ADGRG3: variants seen among roughly 807,000 people sequenced by gnomAD.
The protein encoded by ADGRG3 is G protein-coupled receptor 97.
A neutral mutation model predicts 54.3 loss-of-function variants in ADGRG3; 39 were observed. That is an observed-to-expected ratio of 0.72 (90% CI 0.56 to 0.94). ADGRG3 has a LOEUF of 0.94. Ranked by LOEUF, ADGRG3 falls within the 40% of genes least tolerant of loss-of-function variation. The pLI, the probability that ADGRG3 is intolerant of heterozygous loss-of-function variation, is 0.00. For missense variants in ADGRG3, 654 were observed against 694.6 expected (o/e 0.94, Z 0.66); for synonymous variants, 312 against 290.0 (o/e 1.08, Z -0.77).
chr16:57,680,534 T>C lies in ADGRG3; in HGVS notation c.798T>C (p.His266=). 1 of 1,613,892 alleles carries C rather than the reference T, an allele frequency of 6.2e-7. No individual in the cohort carries two copies. Among genetic ancestry groups the C allele is most frequent in the Non-Finnish European group, 8.5e-7 (1 of 1,179,908 alleles). ...CCACCTTGGACCAGTCCACGGTGCA[T>C]ATCCTCACACGCATCTCCCAGGCGG... The part of the protein sequence containing the change: ...LRPTLDQSTV[H]ILTRISQAGC... The change falls in exon 8 of 12, where the codon CAT becomes CAC. Residue 266 remains histidine (H), a synonymous_variant. Transcript: ENST00000333493.
At chr16:57,671,669 T>C (rs2148694451) in intron 1 of ADGRG3, among the ~76,000 whole-genome samples, 1 of 152,262 alleles carries the variant, frequency 6.6e-6, no homozygotes, top group African/African-American at 2.4e-5. Context: ...TACAGTTAGA[T>C]ACAGAAAGTC....
chr16:57,667,200 G>A (rs553437601), upstream of ADGRG3, among the ~76,000 whole-genome samples: 3 of 152,356 alleles, frequency 2.0e-5, no homozygotes, highest in African/African-American at 7.2e-5. Context: ...AGTGGGAGGA[G>A]GAGGAAATGG....
chr16:57,683,968 A>G lies in ADGRG3; in HGVS notation c.918A>G (p.Pro306=). The G allele has an allele frequency of 1.9e-6, 3 of 1,584,074 alleles. No homozygotes were observed. The highest frequency in any genetic ancestry group is 2.6e-6 in the Non-Finnish European group (3 of 1,162,372). ...AGAGGTTCAAGTCAGAAGATGCCCC[A>G]AAGATCCACGTGGCCCTGGGTGGCA... ...SRERFKSEDA[P]KIHVALGGSL... is the part of the protein sequence containing the mutation. Residue 306 remains proline (P), a synonymous_variant, in exon 9 of 12, where the codon CCA becomes CCG. Coordinates refer to ENST00000333493, the MANE Select transcript of ADGRG3 (RefSeq NM_170776.5).
At chr16:57,675,918 T>C (rs1319160535) in intron 2 of ADGRG3, among the ~76,000 whole-genome samples, 1 of 152,196 alleles carries the variant, frequency 6.6e-6, no homozygotes, top group Admixed American at 6.5e-5. Flanking sequence ...CTTGATGCCA[T>C]TGAATTGGAC....
Position 57,685,823 on chromosome 16 carries a change from G to T in ADGRG3, c.1437G>T (p.Leu479=). The T allele has an allele frequency of 6.2e-7, 1 of 1,614,182 alleles. No homozygotes were observed. The highest frequency in any genetic ancestry group is 8.5e-7 in the Non-Finnish European group (1 of 1,180,034). ...AGAACCGGAAGAAGGTGCTCACCCT[G>T]CTGGGCCTCTCGAGCCTGGTGGGTG... ...RGKNRKKVLT[L]LGLSSLVGVT... is the part of the protein sequence containing the mutation. Residue 479 remains leucine, a synonymous_variant, in exon 11 of 12, where the codon CTG becomes CTT. Coordinates refer to ENST00000333493, the MANE Select transcript of ADGRG3 (RefSeq NM_170776.5).
At chr16:57,687,443 G>C (rs2048495662) in intron 11 of ADGRG3, among the ~76,000 whole-genome samples, 1 of 152,080 alleles carries the variant, frequency 6.6e-6, no homozygotes, top group South Asian at 2.1e-4. Context: ...GTAGAAATGG[G>C]GTTTCACCAT....
At chr16:57,665,692 T>C (rs2048037425), upstream of ADGRG3, 1 of 152,392 alleles carries the variant, frequency 6.6e-6, no homozygotes, top group African/African-American at 2.4e-5. Context: ...TCATTGCTAC[T>C]GTGTTCAGGT....
At chr16:57,679,371 T>TGGGCCCATGCA in intron 5 of ADGRG3, 60 bp downstream of exon 5, 1 of 1,563,534 alleles carries the variant, frequency 6.4e-7, no homozygotes, top group Non-Finnish European at 8.8e-7. Flanking sequence ...TGGGCACACC[T>TGGGCCCATGCA]GGGCCCATGG....
chr16:57,684,033 G>A lies in ADGRG3; in HGVS notation c.983G>A (p.Gly328Glu), dbSNP rs765039850. The change falls in exon 9 of 12, where the codon GGG becomes GAG. Residue 328 changes from glycine (G) to glutamate (E), a missense_variant. Transcript: ENST00000333493. ...AATCTGGCCTTCTTGGTCAATGTGGGGAGTGGCTCAAAGGGGTCTGATGCT... is the reference window on the plus strand; with the variant it reads ...AATCTGGCCTTCTTGGTCAATGTGGAGAGTGGCTCAAAGGGGTCTGATGCT... ...LLNLAFLVNV[G>E]SGSKGSDAAC... 1.9e-5 allele frequency: 30 copies of A among 1,613,554 alleles called. No homozygotes were observed. Among genetic ancestry groups the A allele is most frequent in the Non-Finnish European group, 2.5e-5 (30 of 1,179,724 alleles).
chr16:57,668,972 A>G (rs543738474), intron 1 of ADGRG3, among the ~76,000 whole-genome samples: 1 of 152,198 alleles, frequency 6.6e-6, no homozygotes, highest in South Asian at 2.1e-4. Flanking sequence ...ACACACAAAC[A>G]CATGGTGCGT....
rs750399629 is a variant in ADGRG3 at position 57,684,104 on chromosome 16, GCCTT to G, written c.1056_1059del (p.Phe353ProfsTer27). 1 of 1,613,990 alleles carries G rather than the reference GCCTT, an allele frequency of 6.2e-7. No individual in the cohort carries two copies. Among genetic ancestry groups the G allele is most frequent in the African/African-American group, 1.3e-5 (1 of 74,896 alleles). On this transcript the variant is annotated frameshift_variant, in exon 9 of 12. Coordinates refer to ENST00000333493, the MANE Select transcript of ADGRG3 (RefSeq NM_170776.5). LOFTEE classifies it high-confidence loss of function. The stretch of plus-strand genomic sequence containing the variant: ...TGTCTTCCACTACTTCCTGCTCTGT[GCCTT>G]CACCTGGATGGGCCTTGAAGCCTTC...
intron 5 of ADGRG3, 94 bp downstream of exon 5, chr16:57,679,405 C>T: frequency 7.5e-7 from 1 of 1,336,454 alleles, no homozygotes; most frequent in South Asian, 1.2e-5. Context: ...CACTACATAT[C>T]TGTCCCCTAC....
chr16:57,671,747 T>C (rs775535416), intron 1 of ADGRG3, among the ~76,000 whole-genome samples: 2 of 152,216 alleles, frequency 1.3e-5, no homozygotes, highest in African/African-American at 4.8e-5. Flanking sequence ...AGAATTCTTA[T>C]GGCAGATTGT....
At chr16:57,676,381 T>A (rs1228959500) in intron 3 of ADGRG3, 43 bp downstream of exon 3, 2 of 1,585,952 alleles carry the variant, frequency 1.3e-6, no homozygotes, top group African/African-American at 2.7e-5. Context: ...GGACCCTATT[T>A]TTCTTGGACG....
chr16:57,685,932 G>T lies in ADGRG3; in HGVS notation c.1540+6G>T, dbSNP rs376356347. ...ACTTTTCAACTCCTTGCAAGGTGAG[G>T]CCCCTGCACCAGGGAGGTGATGGGC... On this transcript the variant is annotated splice_donor_region_variant and intron_variant, in intron 11 of 11. Coordinates refer to ENST00000333493, the MANE Select transcript of ADGRG3 (RefSeq NM_170776.5). The T allele has an allele frequency of 1.9e-6, 3 of 1,612,642 alleles. No homozygotes were observed. Among genetic ancestry groups the T allele is most frequent in the Non-Finnish European group, 1.7e-6 (2 of 1,179,004 alleles).
chr16:57,666,807 C>T (rs1012609360), upstream of ADGRG3, among the ~76,000 whole-genome samples: 21 of 152,176 alleles, frequency 1.4e-4, no homozygotes, highest in Admixed American at 8.5e-4. Flanking sequence ...GCTGGCTGCT[C>T]GGAATCTCAG....
At chr16:57,673,208 C>A in intron 1 of ADGRG3, 113 bp from the exon 2 acceptor site, 1 of 1,006,458 alleles carries the variant, frequency 9.9e-7, no homozygotes, top group Non-Finnish European at 1.5e-6. Flanking sequence ...ATGCATGGAG[C>A]TGGAATTCTA....
At chr16:57,670,506 C>A (rs1461856208) in intron 1 of ADGRG3, among the ~76,000 whole-genome samples, 2 of 151,962 alleles carry the variant, frequency 1.3e-5, no homozygotes, top group Non-Finnish European at 2.9e-5. Flanking sequence ...CTCTTCCTTC[C>A]CCTCTCAACC....
Position 57,689,028 on chromosome 16 carries a change from G to C in ADGRG3, c.*567G>C, listed in dbSNP as rs1266656235. The C allele has an allele frequency of 6.4e-6, 1 of 155,446 alleles. No individual in the cohort carries two copies. The highest frequency in any genetic ancestry group is 6.2e-5 in the Admixed American group (1 of 16,002). The allele number at this position is 155,446 out of a possible 1,614,324, so 9.6% of individuals were successfully genotyped here. On this transcript the variant is annotated 3_prime_UTR_variant, in exon 12 of 12. Coordinates refer to ENST00000333493, the MANE Select transcript of ADGRG3 (RefSeq NM_170776.5). ...CTCCTGGAAGAGACCCCCGTGTTCA[G>C]AGTGCTGGCAGCCCTGCACGTGTCC...
Sources: allele counts gnomAD v4.1 joint callset (sites outside exome capture counted in the v4.1 genomes callset), GRCh38; gene constraint gnomAD v4.1.1; transcripts MANE v1.5; gene names NCBI Gene and HGNC (gene_info 2026-07-23, HGNC 2026-07-21).